Variants in PPP1R14C observed in about 807,000 individuals in gnomAD.
PPP1R14C encodes the protein protein phosphatase 1 regulatory subunit 14C.
PPP1R14C carries 16 observed loss-of-function variants against 20.4 expected under a neutral mutation model. The observed-to-expected ratio is 0.78, with a 90% CI of 0.53 to 1.19. PPP1R14C has a LOEUF of 1.19. PPP1R14C is among the 50% of genes most tolerant of loss of function. PPP1R14C has a pLI of 0.00. For missense variants in PPP1R14C, 211 were observed against 220.1 expected (o/e 0.96, Z 0.26); for synonymous variants, 91 against 91.0 (o/e 1.00, Z 0.00).
At chr6:150,153,548 G>A (rs1417915003) in intron 1 of PPP1R14C, among the ~76,000 whole-genome samples, 2 of 152,260 alleles carry the variant, frequency 1.3e-5, no homozygotes, top group Non-Finnish European at 2.9e-5. Context: ...AGTAGCAAGT[G>A]CTTTTCCATC....
At chr6:150,168,490 G>A (rs183735839) in intron 1 of PPP1R14C, among the ~76,000 whole-genome samples, 29 of 151,676 alleles carry the variant, frequency 1.9e-4, no homozygotes, top group Non-Finnish European at 2.9e-4. Flanking sequence ...CCGAGATAGC[G>A]CCACTACACT....
chr6:150,193,765 C>G lies in PPP1R14C; in HGVS notation c.307-20979C>G, dbSNP rs141397788. 8.0e-3 allele frequency among the ~76,000 whole-genome samples: 1,225 copies of G among 152,230 alleles called. 18 individuals are homozygous for G. Among genetic ancestry groups the G allele is most frequent in the African/African-American group, 0.028 (1,178 of 41,518 alleles). ...GCTGCTCTTGATAAAAGCTCATTCC[C>G]CATTTCCTTCTACCATTCATAGGAT... On this transcript the variant is annotated intron_variant, in intron 1 of 3. Transcript: ENST00000361131.
chr6:150,188,703 G>A lies in PPP1R14C; in HGVS notation c.307-26041G>A, dbSNP rs984480696. On this transcript the variant is annotated intron_variant, in intron 1 of 3. Coordinates refer to ENST00000361131, the MANE Select transcript of PPP1R14C (RefSeq NM_030949.3). ...GGGTTTCACCATGTTAGCCAGGATGGTCTTGATCTCCTGACCTCATGATCC... is the reference window on the plus strand; with the variant it reads ...GGGTTTCACCATGTTAGCCAGGATGATCTTGATCTCCTGACCTCATGATCC... 4.6e-5 allele frequency among the ~76,000 whole-genome samples: 7 copies of A among 151,416 alleles called. No individual in the cohort carries two copies. The East Asian group carries it at 1.4e-3, about 30-fold the overall frequency.
At chr6:150,191,302 A>G (rs970026933) in intron 1 of PPP1R14C, among the ~76,000 whole-genome samples, 1 of 152,212 alleles carries the variant, frequency 6.6e-6, no homozygotes, top group Non-Finnish European at 1.5e-5. Flanking sequence ...ATTATTTTGC[A>G]CATCTAAAAG....
chr6:150,195,862 C>T (rs922891114), intron 1 of PPP1R14C: 10 of 985,190 alleles, frequency 1.0e-5, no homozygotes, highest in Non-Finnish European at 1.2e-5. Flanking sequence ...TATGGGAGGC[C>T]AGAGGACAGG....
intron 1 of PPP1R14C, among the ~76,000 whole-genome samples, chr6:150,205,847 T>C (rs1777943253): frequency 6.6e-6 from 1 of 152,040 alleles, no homozygotes; most frequent in African/African-American, 2.4e-5. Flanking sequence ...TATATCATGC[T>C]ACTCCCTAGT....
At chr6:150,200,183 TAC>T (rs1156936687) in intron 1 of PPP1R14C, among the ~76,000 whole-genome samples, 3 of 150,200 alleles carry the variant, frequency 2.0e-5, no homozygotes, top group Non-Finnish European at 3.0e-5. Flanking sequence ...TATATATATA[TAC>T]ACACACACAT....
At chr6:150,199,103 C>T (rs1446547705) in intron 1 of PPP1R14C, among the ~76,000 whole-genome samples, 1 of 152,028 alleles carries the variant, frequency 6.6e-6, no homozygotes, top group Non-Finnish European at 1.5e-5. Flanking sequence ...CCTGTGGCTC[C>T]CAACTATGGT....
chr6:150,205,596 A>T (rs184510676), intron 1 of PPP1R14C, among the ~76,000 whole-genome samples: 191 of 152,028 alleles, frequency 1.3e-3, no homozygotes, highest in Non-Finnish European at 4.4e-4. Flanking sequence ...AGTTTGAGAC[A>T]AGTCTGGCCA....
chr6:150,238,750 T>C (rs2114930339), intron 3 of PPP1R14C, among the ~76,000 whole-genome samples: 1 of 152,390 alleles, frequency 6.6e-6, no homozygotes. Context: ...GATTAGAGCA[T>C]GGGCTCAGTA....
chr6:150,200,737 A>G (rs1777866710), intron 1 of PPP1R14C, among the ~76,000 whole-genome samples: 1 of 152,210 alleles, frequency 6.6e-6, no homozygotes, highest in Admixed American at 6.5e-5. Flanking sequence ...AGAAATGGCT[A>G]GTTACTCCCA....
At chr6:150,168,322 C>G (rs895212292) in intron 1 of PPP1R14C, among the ~76,000 whole-genome samples, 11 of 151,650 alleles carry the variant, frequency 7.3e-5, no homozygotes, top group Admixed American at 5.9e-4. Context: ...AGATCACGAG[C>G]TCAGGAGATC....
chr6:150,218,726 G>A (rs565673047), intron 3 of PPP1R14C, among the ~76,000 whole-genome samples: 2 of 152,086 alleles, frequency 1.3e-5, no homozygotes, highest in South Asian at 4.2e-4. Flanking sequence ...ATAACTCCCT[G>A]CAGCCTCGAA....
intron 1 of PPP1R14C, among the ~76,000 whole-genome samples, chr6:150,168,150 CTT>C (rs1164433647): frequency 5.3e-3 from 418 of 79,096 alleles, no homozygotes; most frequent in African/African-American, 0.018. Context: ...TACAGCGTCC[CTT>C]TTTTTTTTTT....
intron 3 of PPP1R14C, among the ~76,000 whole-genome samples, chr6:150,242,026 A>G (rs1310260074): frequency 1.3e-5 from 2 of 152,212 alleles, no homozygotes; most frequent in Non-Finnish European, 2.9e-5. Flanking sequence ...GTGTGGGAGT[A>G]GGAAAGAGAG....
chr6:150,218,101 G>A (rs1002449320), intron 3 of PPP1R14C, among the ~76,000 whole-genome samples: 2 of 151,768 alleles, frequency 1.3e-5, no homozygotes, highest in African/African-American at 2.4e-5. Flanking sequence ...GCGAGATCTC[G>A]TCTTTTAAGA....
intron 1 of PPP1R14C, among the ~76,000 whole-genome samples, chr6:150,183,548 G>A (rs972519089): frequency 4.6e-5 from 7 of 151,048 alleles, no homozygotes; most frequent in Admixed American, 2.6e-4. Context: ...GTCTCACTCT[G>A]TCACCCAGGC....
intron 1 of PPP1R14C, among the ~76,000 whole-genome samples, chr6:150,178,793 A>C (rs1777590064): frequency 1.3e-5 from 2 of 152,122 alleles, no homozygotes; most frequent in African/African-American, 2.4e-5. Context: ...GTTTGTCTGA[A>C]ATAGGGAAAC....
intron 1 of PPP1R14C, among the ~76,000 whole-genome samples, chr6:150,151,180 G>A (rs1343855050): frequency 1.3e-5 from 2 of 152,106 alleles, no homozygotes; most frequent in Non-Finnish European, 2.9e-5. Context: ...AGTGCCAGAT[G>A]TATTCAGACA....
Sources: allele counts gnomAD v4.1 joint callset (sites outside exome capture counted in the v4.1 genomes callset), GRCh38; gene constraint gnomAD v4.1.1; transcripts MANE v1.5; gene names NCBI Gene and HGNC (gene_info 2026-07-23, HGNC 2026-07-21).